The following EPM2A variants were observed in gnomAD, a reference collection of about 807,000 sequenced individuals.
EPM2A encodes EPM2A glucan phosphatase, laforin.
In EPM2A, 21 loss-of-function variants were observed where a neutral mutation model predicts 26.5. The observed-to-expected ratio is 0.79, with a 90% CI of 0.56 to 1.14. EPM2A has a LOEUF of 1.14. Ranked by LOEUF, EPM2A falls within the 50% of genes most tolerant of loss-of-function variation. The pLI is 0.00. For missense variants in EPM2A, 458 were observed against 440.8 expected, an observed-to-expected ratio of 1.04 and a Z score of -0.35; for synonymous variants, 217 against 177.6, an observed-to-expected ratio of 1.22 and a Z score of -1.76.
chr6:145,733,357 A>G (rs781030105), intron 1 of EPM2A, among the ~76,000 whole-genome samples: 7 of 152,098 alleles, frequency 4.6e-5, no homozygotes, highest in Non-Finnish European at 1.0e-4. Flanking sequence ...TAAATTCCTC[A>G]TATTTCATAA....
intron 2 of EPM2A, among the ~76,000 whole-genome samples, chr6:145,678,538 TAAAC>T (rs1780245250): frequency 6.6e-6 from 1 of 151,766 alleles, no homozygotes; most frequent in African/African-American, 2.4e-5. Flanking sequence ...ACAAAGAACT[TAAAC>T]AAATATACAA....
At chr6:145,595,412 TA>T (rs543385559) in intron 2 of EPM2A, among the ~76,000 whole-genome samples, 2,569 of 145,348 alleles carry the variant, frequency 0.018, 86 homozygotes, top group African/African-American at 0.058. Flanking sequence ...ATCTTTTACT[TA>T]AAAAAAAAAA....
At chr6:145,601,806 G>C (rs1307928921) in intron 2 of EPM2A, among the ~76,000 whole-genome samples, 1 of 152,078 alleles carries the variant, frequency 6.6e-6, no homozygotes, top group African/African-American at 2.4e-5. Context: ...TGCCAATCAG[G>C]TATACTCTCA....
At chr6:145,462,088 G>T (rs965914858) in intron 4 of EPM2A, among the ~76,000 whole-genome samples, 2 of 152,136 alleles carry the variant, frequency 1.3e-5, no homozygotes, top group African/African-American at 4.8e-5. Flanking sequence ...TCAGAATAGT[G>T]CTTGGCACTG....
chr6:145,517,941 G>GA (rs1213995251), intron 2 of EPM2A, among the ~76,000 whole-genome samples: 3 of 151,516 alleles, frequency 2.0e-5, no homozygotes, highest in African/African-American at 2.4e-5. Context: ...TTTATTTCCA[G>GA]AAAAAAAAAT....
Position 145,627,542 on chromosome 6 carries a change from C to T in EPM2A, c.870G>A (p.Arg290=), listed in dbSNP as rs770041557. The T allele has an allele frequency of 1.9e-6, 3 of 1,614,248 alleles. No individual in the cohort carries two copies. Among genetic ancestry groups the T allele is most frequent in the Non-Finnish European group, 2.5e-6 (3 of 1,180,046 alleles). The change falls in exon 4 of 4, where the codon AGG becomes AGA. Residue 290 remains arginine (R), a synonymous_variant. Transcript: ENST00000367519. ...TGGCCATGAGGAAATACTGCACCTT[C>T]CTCAGATTCCAGCCCATCACATACT... is the stretch of plus-strand genomic sequence containing the variant. ...WLQYVMGWNL[R]KVQYFLMAKR... is the part of the protein sequence containing the mutation.
chr6:145,581,978 T>A (rs1781120529), intron 2 of EPM2A, among the ~76,000 whole-genome samples: 1 of 151,576 alleles, frequency 6.6e-6, no homozygotes, highest in Non-Finnish European at 1.5e-5. Flanking sequence ...TCTCTTAAGA[T>A]TTTTTTTGTA....
At chr6:145,603,346 T>C (rs1293168428) in intron 2 of EPM2A, among the ~76,000 whole-genome samples, 1 of 152,014 alleles carries the variant, frequency 6.6e-6, no homozygotes, top group African/African-American at 2.4e-5. Flanking sequence ...TCAAAGTAAT[T>C]GGATGAGAAG....
intron 2 of EPM2A, among the ~76,000 whole-genome samples, chr6:145,551,262 A>C (rs566429058): frequency 6.6e-6 from 1 of 152,204 alleles, no homozygotes; most frequent in East Asian, 1.9e-4. Flanking sequence ...ACAACAACAA[A>C]TAAGCAATCC....
At chr6:145,431,405 A>T (rs1778919995) in intron 4 of EPM2A, among the ~76,000 whole-genome samples, 1 of 152,244 alleles carries the variant, frequency 6.6e-6, no homozygotes, top group Non-Finnish European at 1.5e-5. Context: ...GTAAAAGAAT[A>T]TCTCAGAGAT....
chr6:145,706,819 C>T (rs1354365247), intron 1 of EPM2A, among the ~76,000 whole-genome samples: 1 of 152,062 alleles, frequency 6.6e-6, no homozygotes, highest in Admixed American at 6.6e-5. Flanking sequence ...TTTGAAGAGG[C>T]CACTTGCTAT....
intron 1 of EPM2A, among the ~76,000 whole-genome samples, chr6:145,714,679 G>A (rs1378097343): frequency 6.6e-6 from 1 of 152,198 alleles, no homozygotes; most frequent in Non-Finnish European, 1.5e-5. Flanking sequence ...ATGGCAGAAG[G>A]CAAAGAGAGG....
At chr6:145,522,679 T>C (rs971510178) in intron 2 of EPM2A, among the ~76,000 whole-genome samples, 1 of 152,188 alleles carries the variant, frequency 6.6e-6, no homozygotes, top group African/African-American at 2.4e-5. Context: ...CTGTTTTCCA[T>C]ATTCCCTTAG....
At chr6:145,722,574 A>T (rs1217529184) in intron 1 of EPM2A, among the ~76,000 whole-genome samples, 2 of 152,174 alleles carry the variant, frequency 1.3e-5, no homozygotes, top group African/African-American at 4.8e-5. Context: ...GGAATACTAA[A>T]TCATAACCCG....
At chr6:145,429,984 G>GTCAGGAGT (rs1778901387) in intron 4 of EPM2A, among the ~76,000 whole-genome samples, 1 of 152,144 alleles carries the variant, frequency 6.6e-6, no homozygotes, top group Admixed American at 6.5e-5. Context: ...ATCACCTGAA[G>GTCAGGAGT]TCAGGAGTTC....
chr6:145,605,642 A>G lies in EPM2A; in HGVS notation c.340+29603T>C, dbSNP rs564051805. On this transcript the variant is annotated intron_variant, in intron 2 of 3. Transcript: ENST00000450221. Reference sequence around the variant, plus strand: ...GGAAATCTAACAATCAAAAGAGAATATTCTTAAGCAGAGAAAGACACATTT... The same window carrying G: ...GGAAATCTAACAATCAAAAGAGAATGTTCTTAAGCAGAGAAAGACACATTT... Among the ~76,000 whole-genome samples the G allele has an allele frequency of 2.3e-4, 35 of 152,312 alleles. No individual in the cohort carries two copies. In the South Asian group the frequency reaches 6.4e-3, roughly 28 times the overall value.
intron 1 of EPM2A, among the ~76,000 whole-genome samples, chr6:145,715,424 C>T (rs2128634488): frequency 6.6e-6 from 1 of 152,294 alleles, no homozygotes; most frequent in East Asian, 1.9e-4. Flanking sequence ...GCAGACTCTG[C>T]AGACAGGGGC....
At chr6:145,414,031 A>T (rs1270855396) in intron 4 of EPM2A, among the ~76,000 whole-genome samples, 2 of 152,114 alleles carry the variant, frequency 1.3e-5, no homozygotes, top group African/African-American at 4.8e-5. Flanking sequence ...CTTGACTGGT[A>T]CTGCCACAAT....
At chr6:145,704,576 C>A (rs924349007) in intron 1 of EPM2A, among the ~76,000 whole-genome samples, 1 of 152,162 alleles carries the variant, frequency 6.6e-6, no homozygotes, top group East Asian at 1.9e-4. Context: ...GATTAAATGA[C>A]CTGACAGTCC....
Sources: gnomAD v4.1 joint callset for allele counts (sites outside exome capture counted in the v4.1 genomes callset) on GRCh38, gnomAD v4.1.1 for gene constraint, MANE v1.5 for transcripts, NCBI Gene and HGNC (gene_info 2026-07-23, HGNC 2026-07-21) for gene names.